The following HDAC4 variants were observed in gnomAD, a reference collection of about 807,000 sequenced individuals.
HDAC4 encodes histone deacetylase A.
HDAC4 carries 16 observed loss-of-function variants against 135.1 expected under a neutral mutation model. The ratio of observed to expected loss-of-function variants is 0.12; its 90% CI spans 0.08 to 0.18. The LOEUF is 0.18. Ranked by LOEUF, HDAC4 falls within the 10% of genes least tolerant of loss-of-function variation. The pLI is 1.00. For missense variants in HDAC4, 1,143 were observed against 1,511.8 expected (o/e 0.76, Z 4.05); for synonymous variants, 685 against 653.4 (o/e 1.05, Z -0.74).
rs948350144 is a variant in HDAC4 at position 239,368,370 on chromosome 2, G to A, written c.-219-15452C>T. On this transcript the variant is annotated intron_variant, in intron 1 of 26. Coordinates refer to ENST00000543185, the MANE Select transcript of HDAC4 (RefSeq NM_001378414.1). ...GGGGGCGATGAGAAGACCCTGAAAT[G>A]CACCGTCCAAAGCACAGTACCATCT... Among the ~76,000 whole-genome samples the A allele has an allele frequency of 3.7e-4, 56 of 152,210 alleles. 1 individual carries two copies. The highest frequency in any genetic ancestry group is 2.9e-4 in the Non-Finnish European group (20 of 68,050).
At chr2:239,153,111 C>T (rs1336363039) in intron 7 of HDAC4, among the ~76,000 whole-genome samples, 9 of 152,140 alleles carry the variant, frequency 5.9e-5, no homozygotes, top group Non-Finnish European at 8.8e-5. Flanking sequence ...GCCCAAGCTC[C>T]GAATAGGAGT....
At chr2:239,370,165 G>T (rs2126001986) in intron 1 of HDAC4, among the ~76,000 whole-genome samples, 1 of 152,344 alleles carries the variant, frequency 6.6e-6, no homozygotes, top group Admixed American at 6.5e-5. Context: ...GCTCTGCGGG[G>T]TCAAAACAGA....
intron 2 of HDAC4, among the ~76,000 whole-genome samples, chr2:239,305,067 C>A (rs903507772): frequency 4.6e-5 from 7 of 152,316 alleles, no homozygotes; most frequent in Admixed American, 3.9e-4. Flanking sequence ...TGTTCTTAGA[C>A]AGCCTTTGCA....
chr2:239,094,054 A>G (rs1478559136), intron 17 of HDAC4: 2 of 985,300 alleles, frequency 2.0e-6, no homozygotes, highest in Non-Finnish European at 2.4e-6. Context: ...CCAGACCTTG[A>G]GCTTCACCCT....
In HDAC4 at chr2:239,331,960, C is replaced by T. The variant is rs547505894; in HGVS notation, c.22+20718G>A. On this transcript the variant is annotated intron_variant, in intron 2 of 26. Coordinates refer to ENST00000543185, the MANE Select transcript of HDAC4 (RefSeq NM_001378414.1). This position sits in a 1 kb window ranked among gnomAD's most constrained non-coding sequence, Gnocchi z 4.5. ...ACCTGACCAGTCCTCACAGAATCCG[C>T]AGCTTGAGCGTAAGAAGGGATACAA... Among the ~76,000 whole-genome samples, 6 of 152,236 alleles carry T rather than the reference C, an allele frequency of 3.9e-5. No homozygotes were observed. Among genetic ancestry groups the T allele is most frequent in the South Asian group, 4.1e-4 (2 of 4,824 alleles).
chr2:239,333,844 T>C (rs566288349), intron 2 of HDAC4, among the ~76,000 whole-genome samples: 31 of 152,330 alleles, frequency 2.0e-4, no homozygotes, highest in African/African-American at 7.0e-4. Context: ...ACAGAACTTA[T>C]AGCAAATTTT....
At chr2:239,301,125 T>C (rs1461561430) in intron 2 of HDAC4, among the ~76,000 whole-genome samples, 2 of 152,156 alleles carry the variant, frequency 1.3e-5, no homozygotes, top group Admixed American at 1.3e-4. Flanking sequence ...AGGCCAAGCA[T>C]AGCCAGCACC....
intron 2 of HDAC4, among the ~76,000 whole-genome samples, chr2:239,254,472 T>C (rs2048950459): frequency 6.7e-6 from 1 of 149,196 alleles, no homozygotes; most frequent in African/African-American, 2.5e-5. Context: ...GAAAAAAACC[T>C]GGAAATGGGA....
chr2:239,245,837 G>A lies in HDAC4; in HGVS notation c.23-9173C>T, dbSNP rs1030026826. ...TGATCTACCTAACTTGTTCCTTCAC[G>A]AATATCCCAACAGTCTTCAGTTCAT... On this transcript the variant is annotated intron_variant, in intron 2 of 26. Coordinates refer to ENST00000543185, the MANE Select transcript of HDAC4 (RefSeq NM_001378414.1). The surrounding 1 kb of genome is among the most constrained non-coding windows in gnomAD (Gnocchi z 4.4). Among the ~76,000 whole-genome samples, 4 of 152,102 alleles carry A rather than the reference G, an allele frequency of 2.6e-5. No homozygotes were observed. The highest frequency in any genetic ancestry group is 7.2e-5 in the African/African-American group (3 of 41,404).
intron 24 of HDAC4, among the ~76,000 whole-genome samples, chr2:239,059,880 G>A (rs1478620246): frequency 6.6e-6 from 1 of 152,006 alleles, no homozygotes; most frequent in Non-Finnish European, 1.5e-5. Flanking sequence ...CTACCAGCCT[G>A]CAGGACAGTC....
At chr2:239,054,893 G>T (rs976112643) in intron 24 of HDAC4, 60 bp from the exon 25 acceptor site, 1 of 1,151,562 alleles carries the variant, frequency 8.7e-7, no homozygotes, top group Non-Finnish European at 1.3e-6. Context: ...TGCGTTAGAC[G>T]GGTGTTCCGA....
At chr2:239,295,962 A>G (rs545457260) in intron 2 of HDAC4, among the ~76,000 whole-genome samples, 18 of 152,332 alleles carry the variant, frequency 1.2e-4, no homozygotes, top group South Asian at 2.1e-4. Flanking sequence ...AGAGCCAGTA[A>G]TTAGAGCTAC....
chr2:239,314,135 C>G (rs1166855032), intron 2 of HDAC4, among the ~76,000 whole-genome samples: 1 of 152,198 alleles, frequency 6.6e-6, no homozygotes, highest in African/African-American at 2.4e-5. Flanking sequence ...CCTGCAAACA[C>G]AGGCATGTCC....
chr2:239,347,292 T>C (rs1328406118), intron 2 of HDAC4, among the ~76,000 whole-genome samples: 2 of 152,148 alleles, frequency 1.3e-5, no homozygotes, highest in African/African-American at 4.8e-5. Flanking sequence ...CTGGAAGCAA[T>C]CCCAGAGGAG....
intron 6 of HDAC4, 100 bp downstream of exon 6, chr2:239,163,703 C>T (rs1409015485): frequency 1.6e-6 from 2 of 1,238,036 alleles, no homozygotes; most frequent in Non-Finnish European, 2.4e-6. Flanking sequence ...TCCTTCCCTG[C>T]CTCCGGTGAA....
intron 22 of HDAC4, among the ~76,000 whole-genome samples, chr2:239,071,675 C>T (rs1033963564): frequency 2.6e-5 from 4 of 152,086 alleles, no homozygotes; most frequent in Admixed American, 6.5e-5. Context: ...TCAGGATGGT[C>T]CTGGGAAAGC....
In HDAC4 at chr2:239,089,929, C is replaced by T. The variant is rs567802644; in HGVS notation, c.2388+80G>A. Reference sequence around the variant, plus strand: ...GCCTCCCAGCCTGATGAGAGGGAGACGGAGTGGGCGGCCCCTCCCCACACT... The same window carrying T: ...GCCTCCCAGCCTGATGAGAGGGAGATGGAGTGGGCGGCCCCTCCCCACACT... On this transcript the variant is annotated intron_variant, in intron 18 of 26. Coordinates refer to ENST00000543185, the MANE Select transcript of HDAC4 (RefSeq NM_001378414.1). The T allele has an allele frequency of 4.4e-4, 447 of 1,012,718 alleles. 7 individuals are homozygous for T. In the South Asian group the frequency reaches 4.7e-3, roughly 11 times the overall value. The allele number at this position is 1,012,718 out of a possible 1,614,324, so 62.7% of individuals were successfully genotyped here.
chr2:239,296,740 G>A (rs1466505584), intron 2 of HDAC4, among the ~76,000 whole-genome samples: 1 of 152,178 alleles, frequency 6.6e-6, no homozygotes, highest in Admixed American at 6.5e-5. Flanking sequence ...CCCCGGAGCT[G>A]TGCTTCAGTC....
chr2:239,279,193 AT>A (rs2050566846), intron 2 of HDAC4, among the ~76,000 whole-genome samples: 1 of 152,150 alleles, frequency 6.6e-6, no homozygotes, highest in South Asian at 2.1e-4. Context: ...AAAGTGCCTG[AT>A]TTGCTGTTTC....
Sources: gnomAD v4.1 joint callset for allele counts (sites outside exome capture counted in the v4.1 genomes callset) on GRCh38, gnomAD v4.1.1 for gene constraint, Gnocchi (gnomAD v3.1) non-coding constraint, MANE v1.5 for transcripts, NCBI Gene and HGNC (gene_info 2026-07-23, HGNC 2026-07-21) for gene names.